The following BMP1 variants were observed in gnomAD, a reference collection of about 807,000 sequenced individuals.
BMP1 encodes bone morphogenetic protein 1, also known as mammalian tolloid protein.
Under a neutral mutation model 116.8 loss-of-function variants are expected in BMP1, and 63 were observed. The ratio of observed to expected loss-of-function variants is 0.54; its 90% CI spans 0.44 to 0.67. The LOEUF is 0.67. Ranked by LOEUF, BMP1 falls within the 30% of genes least tolerant of loss-of-function variation. The pLI is 0.00. For missense variants in BMP1, 1,183 were observed against 1,358.9 expected (o/e 0.87, Z 2.04); for synonymous variants, 536 against 533.4 (o/e 1.00, Z -0.07).
chr8:22,190,474 C>G (rs1828899511), intron 8 of BMP1, among the ~76,000 whole-genome samples: 1 of 152,116 alleles, frequency 6.6e-6, no homozygotes, highest in African/African-American at 2.4e-5. Context: ...AGGCTGGAAA[C>G]TGAATGGAGA....
At position 22,207,350 on chromosome 8, in the gene BMP1, C is replaced by G. The variant is rs370443075; in HGVS notation, c.2409C>G (p.Asp803Glu). Residue 803 changes from aspartate to glutamate, a missense_variant, in exon 18 of 20, where the codon GAC becomes GAG. Asp to Glu is a conservative substitution (Grantham distance 45). Around this residue, in one of 4 missense-constraint regions of BMP1, gnomAD observed 956 missense variants for 1,135.2 expected, o/e 0.84. Transcript: ENST00000306385. ...DIESQPECAY[D>E]HLEVFDGRDA... ...AGTCCCAGCCTGAGTGTGCCTACGA[C>G]CACCTAGAGGTGTTCGACGGGCGAG... 4 of 1,614,010 alleles carry G rather than the reference C, an allele frequency of 2.5e-6. No homozygotes were observed. The highest frequency in any genetic ancestry group is 3.4e-6 in the Non-Finnish European group (4 of 1,179,936).
intron 2 of BMP1, among the ~76,000 whole-genome samples, chr8:22,174,992 T>C (rs1350800015): frequency 1.3e-5 from 2 of 152,230 alleles, no homozygotes. Context: ...GAAGTTGTCC[T>C]GTCCAGCTTG....
rs763835509 is a variant in BMP1, at chr8:22,176,130, C to CT, written c.263-11dup. ...TCTCTCCACTCACTAGTCACCATGA[C>CT]TTCCTCTCTCAGTTCCAGGAAACAC... On this transcript the variant is annotated splice_polypyrimidine_tract_variant and intron_variant, in intron 2 of 19. Coordinates refer to ENST00000306385, the MANE Select transcript of BMP1 (RefSeq NM_006129.5). 23 of 1,613,494 alleles carry CT rather than the reference C, an allele frequency of 1.4e-5. No homozygotes were observed. The African/African-American group carries it at 3.1e-4, about 22-fold the overall frequency.
At chr8:22,173,747 C>T in intron 2 of BMP1, 32 bp downstream of exon 2, 1 of 1,552,428 alleles carries the variant, frequency 6.4e-7, no homozygotes. Flanking sequence ...CCTCTGTGTC[C>T]TAGAAATGGG....
intron 1 of BMP1, 78 bp from the exon 2 acceptor site, chr8:22,173,524 G>C (rs1053713921): frequency 9.3e-7 from 1 of 1,070,138 alleles, no homozygotes; most frequent in Non-Finnish European, 1.3e-6. Flanking sequence ...GTGCCCACAG[G>C]GTTGGGGCTA....
Position 22,209,399 on chromosome 8 carries a change from G to T in BMP1, c.2576-46G>T, listed in dbSNP as rs1320876148. On this transcript the variant is annotated intron_variant, in intron 18 of 19. Transcript: ENST00000306385. The stretch of plus-strand genomic sequence containing the variant: ...ATGGCATAGTGTGCCATGGGGCCTG[G>T]CACCTGCGGTGCTCAGGGCTGGTTG... The T allele has an allele frequency of 1.9e-6, 3 of 1,599,554 alleles. No homozygotes were observed. The South Asian group carries it at 3.4e-5, about 18-fold the overall frequency.
rs560468885 is a variant in BMP1, at chr8:22,201,644, C to T, written c.2108-159C>T. 82 of 1,380,320 alleles carry T rather than the reference C, an allele frequency of 5.9e-5. 1 individual carries two copies. The highest frequency in any genetic ancestry group is 3.2e-4 in the South Asian group (22 of 69,638). The allele number at this position is 1,380,320 out of a possible 1,614,324, so 85.5% of individuals were successfully genotyped here. A position where few individuals can be genotyped will look rare whatever the true frequency, so the allele number is the denominator to read the frequency against. On this transcript the variant is annotated intron_variant, in intron 15 of 19. Transcript: ENST00000306385. ...GCAGTGCCCCTTTGGACCCCCTTGTCGCCTGGCCTCCCACTCCCGGCCACC... is the reference window on the plus strand; with the variant it reads ...GCAGTGCCCCTTTGGACCCCCTTGTTGCCTGGCCTCCCACTCCCGGCCACC...
In BMP1 at chr8:22,192,559, C is replaced by T. The variant is rs549993770; in HGVS notation, c.1180+408C>T. Among the ~76,000 whole-genome samples, 4 of 152,318 alleles carry T rather than the reference C, an allele frequency of 2.6e-5. No individual in the cohort carries two copies. In the South Asian group the frequency reaches 8.3e-4, roughly 32 times the overall value. ...TATCTGCCCTTCTGGTTTTTGAGTG[C>T]CCACAGTGCAGCCTGGCTCAAAAGA... is the stretch of plus-strand genomic sequence containing the variant. On this transcript the variant is annotated intron_variant, in intron 9 of 19. Coordinates refer to ENST00000306385, the MANE Select transcript of BMP1 (RefSeq NM_006129.5).
At chr8:22,176,817 C>T (rs1828451558) in intron 4 of BMP1, 144 bp from the exon 5 acceptor site, 2 of 972,910 alleles carry the variant, frequency 2.1e-6, no homozygotes, top group Non-Finnish European at 3.1e-6. Context: ...TGACCTCCAG[C>T]ACACAGCCTG....
Position 22,195,580 on chromosome 8 carries a change from C to T in BMP1, c.1758C>T (p.Arg586=), listed in dbSNP as rs753770351. ...PGYELAPDKR[R]CEAACGGFLT... is the part of the protein sequence containing the mutation. ...ACGAGCTGGCCCCAGACAAGCGCCGCTGTGAGGGTGAGTGCCCCCAGACTG... is the reference window on the plus strand; with the variant it reads ...ACGAGCTGGCCCCAGACAAGCGCCGTTGTGAGGGTGAGTGCCCCCAGACTG... Residue 586 remains arginine, a synonymous_variant, in exon 13 of 20, where the codon CGC becomes CGT. Coordinates refer to ENST00000306385, the MANE Select transcript of BMP1 (RefSeq NM_006129.5). 1 of 1,612,132 alleles carries T rather than the reference C, an allele frequency of 6.2e-7. No individual in the cohort carries two copies. Among genetic ancestry groups the T allele is most frequent in the South Asian group, 1.1e-5 (1 of 91,010 alleles).
rs1224502598 is a variant in BMP1 at position 22,176,294 on chromosome 8, C to A, written c.414C>A (p.Val138=). The A allele has an allele frequency of 6.2e-7, 1 of 1,601,880 alleles. No individual in the cohort carries two copies. The highest frequency in any genetic ancestry group is 8.5e-7 in the Non-Finnish European group (1 of 1,172,874). The change falls in exon 3 of 20, where the codon GTC becomes GTA. Residue 138 remains valine, a synonymous_variant. Transcript: ENST00000306385. ...GGCCCGATGGGGTCATCCCCTTTGT[C>A]ATTGGGGGAAACTTCACTGGTGAGC... The part of the protein sequence containing the change: ...RVWPDGVIPF[V]IGGNFTGSQR...
rs148753670 is a variant in BMP1, at chr8:22,185,858, G to A, written c.1077+5375G>A. On this transcript the variant is annotated intron_variant, in intron 8 of 19. Transcript: ENST00000306385. ...TTTTTTTTTTTTTTTTTTTTGAGACGAAGTCTTGCTCTTGTCCCCCAGGCT... is the reference window on the plus strand; with the variant it reads ...TTTTTTTTTTTTTTTTTTTTGAGACAAAGTCTTGCTCTTGTCCCCCAGGCT... Among the ~76,000 whole-genome samples the A allele has an allele frequency of 8.9e-3, 1,060 of 119,370 alleles. 15 individuals carry two copies. The highest frequency in any genetic ancestry group is 0.035 in the African/African-American group (1,012 of 28,566). The allele number at this position is 119,370 out of a possible 152,430, so 78.3% of individuals were successfully genotyped here.
chr8:22,197,303 A>C lies in BMP1; in HGVS notation c.1990A>C (p.Lys664Gln), dbSNP rs1213984658. The C allele has an allele frequency of 6.2e-7, 1 of 1,613,968 alleles. No homozygotes were observed. The highest frequency in any genetic ancestry group is 1.1e-5 in the South Asian group (1 of 91,074). Reference sequence around the variant, plus strand: ...CACAGCTGACTCCAAGCTGCATGGCAAGTTCTGTGGTTCTGAGAAGCCCGA... The same window carrying C: ...CACAGCTGACTCCAAGCTGCATGGCCAGTTCTGTGGTTCTGAGAAGCCCGA... Reference protein sequence around the residue: ...GLTADSKLHGKFCGSEKPEVI... With the variant: ...GLTADSKLHGQFCGSEKPEVI... The change falls in exon 15 of 20, where the codon AAG (lysine) becomes CAG (glutamine). Residue 664 changes from lysine (K) to glutamine (Q), a missense_variant. Lys to Gln is a moderately conservative substitution (Grantham distance 53). Around this residue, in one of 4 missense-constraint regions of BMP1, gnomAD observed 956 missense variants for 1,135.2 expected, o/e 0.84. Transcript: ENST00000306385.
chr8:22,209,432 T>C lies in BMP1; in HGVS notation c.2576-13T>C. On this transcript the variant is annotated splice_polypyrimidine_tract_variant and intron_variant, in intron 18 of 19. Coordinates refer to ENST00000306385, the MANE Select transcript of BMP1 (RefSeq NM_006129.5). ...GGTGCTCAGGGCTGGTTGGCCCCTC[T>C]TGTCCCCTACAGAGTGCGGGGGCCA... The C allele has an allele frequency of 1.2e-6, 2 of 1,613,656 alleles. No homozygotes were observed. The highest frequency in any genetic ancestry group is 1.7e-6 in the Non-Finnish European group (2 of 1,179,664).
chr8:22,174,627 C>CTTTTTTTTTTTTT (rs57781366), intron 2 of BMP1, among the ~76,000 whole-genome samples: 8 of 106,286 alleles, frequency 7.5e-5, no homozygotes, highest in African/African-American at 1.1e-4. Context: ...TTTTTTCTGT[C>CTTTTTTTTTTTTT]TTTTTTTTTT....
At chr8:22,210,367 CTTTTTT>C (rs1198888155) in intron 19 of BMP1, among the ~76,000 whole-genome samples, 1 of 118,442 alleles carries the variant, frequency 8.4e-6, no homozygotes, top group African/African-American at 3.3e-5. Context: ...GCCTCTTCTT[CTTTTTT>C]TTTTTTTTTT....
chr8:22,168,073 G>A (rs1315542796), intron 1 of BMP1, among the ~76,000 whole-genome samples: 2 of 152,182 alleles, frequency 1.3e-5, no homozygotes, highest in African/African-American at 4.8e-5. Context: ...GTTGCTCTGA[G>A]GGTAGCCACG....
At position 22,209,666 on chromosome 8, in the gene BMP1, C is replaced by T; in HGVS notation, c.2797C>T (p.Pro933Ser). 6.2e-7 allele frequency: 1 copy of T among 1,614,068 alleles called. No individual in the cohort carries two copies. The highest frequency in any genetic ancestry group is 8.5e-7 in the Non-Finnish European group (1 of 1,179,996). ...ELFDGYDSTA[P>S]RLGRYCGSGP... ...CTTCGACGGCTACGACAGCACAGCCCCCAGGCTGGGGCGCTACTGTGGCTC... is the reference window on the plus strand; with the variant it reads ...CTTCGACGGCTACGACAGCACAGCCTCCAGGCTGGGGCGCTACTGTGGCTC... The change falls in exon 19 of 20, where the codon CCC becomes TCC. Residue 933 changes from proline to serine, a missense_variant. By Grantham distance (74) the Pro-to-Ser change is moderately conservative. Around this residue, in one of 4 missense-constraint regions of BMP1, gnomAD observed 956 missense variants for 1,135.2 expected, o/e 0.84. Transcript: ENST00000306385.
At chr8:22,204,600 A>G (rs1829318702) in intron 16 of BMP1, among the ~76,000 whole-genome samples, 1 of 152,160 alleles carries the variant, frequency 6.6e-6, no homozygotes, top group African/African-American at 2.4e-5. Context: ...GCGCAAGCCT[A>G]TAGTCCCAAC....
Sources: allele counts gnomAD v4.1 joint callset (sites outside exome capture counted in the v4.1 genomes callset), GRCh38; gene constraint gnomAD v4.1.1; regional missense constraint gnomAD v4.1.1; transcripts MANE v1.5; gene names NCBI Gene and HGNC (gene_info 2026-07-23, HGNC 2026-07-21).